Variants in ADAT1 observed in about 807,000 individuals in gnomAD.
ADAT1 encodes adenosine deaminase tRNA specific 1, also known as tRNA-specific adenosine deaminase 1.
In ADAT1, 58 loss-of-function variants were observed where a neutral mutation model predicts 58.6. The observed-to-expected ratio is 0.99, with a 90% CI of 0.80 to 1.23. The LOEUF (loss-of-function observed/expected upper bound fraction) is 1.23, where lower values mean the gene tolerates loss of function less well. ADAT1 is among the 50% of genes most tolerant of loss of function. The probability of loss-of-function intolerance (pLI) is 0.00; values close to 1 mark genes in which losing one functional copy is unlikely to be tolerated. For missense variants in ADAT1, 741 were observed against 608.6 expected (o/e 1.22, Z -2.29); for synonymous variants, 254 against 220.8 (o/e 1.15, Z -1.33).
chr16:75,607,291 G>A (rs536500776), intron 8 of ADAT1, among the ~76,000 whole-genome samples: 1 of 152,106 alleles, frequency 6.6e-6, no homozygotes, highest in South Asian at 2.1e-4. Flanking sequence ...ATCACTTGAG[G>A]TCAGGAGTTT....
At chr16:75,610,190 C>T (rs2081487089) in intron 6 of ADAT1, among the ~76,000 whole-genome samples, 1 of 152,106 alleles carries the variant, frequency 6.6e-6, no homozygotes. Context: ...ATGGATATAT[C>T]ACATTTGATT....
chr16:75,596,924 A>G lies in ADAT1; in HGVS notation c.*3292T>C, dbSNP rs1192381072. 1 of 152,322 alleles carries G rather than the reference A, an allele frequency of 6.6e-6. No individual in the cohort carries two copies. The highest frequency in any genetic ancestry group is 2.4e-5 in the African/African-American group (1 of 41,444). 9.4% of individuals were successfully genotyped at this position (152,322 alleles called of 1,614,324 possible). On this transcript the variant is annotated 3_prime_UTR_variant, in exon 10 of 10. Transcript: ENST00000564657. ...TAATAAAGTACTGATTCATGCTACA[A>G]CATAAATCTTGAAAACATGTTAAGT...
Position 75,607,433 on chromosome 16 carries a change from C to T in ADAT1, c.1289+791G>A, listed in dbSNP as rs551067479. On this transcript the variant is annotated intron_variant, in intron 8 of 9. Transcript: ENST00000564657. ...AGGAGAATCGCTTGAACCCCAGGGG[C>T]GGAGGTTGCAGTGAGCCAAGATTAC... Among the ~76,000 whole-genome samples the T allele has an allele frequency of 2.6e-4, 39 of 147,562 alleles. No individual in the cohort carries two copies. The South Asian group carries it at 3.5e-3, about 13-fold the overall frequency.
At position 75,599,036 on chromosome 16, in the gene ADAT1, TGGG is replaced by T; in HGVS notation, c.*1177_*1179del. 1.2e-5 allele frequency: 12 copies of T among 984,518 alleles called. No individual in the cohort carries two copies. The highest frequency in any genetic ancestry group is 1.4e-5 in the Non-Finnish European group (12 of 829,796). The allele number at this position is 984,518 out of a possible 1,614,324, so 61.0% of individuals were successfully genotyped here. On this transcript the variant is annotated 3_prime_UTR_variant, in exon 10 of 10. Transcript: ENST00000564657. ...TCGATGTTAAAACAGGATTGGCTGCTGGGTCTATTGCTGATTTGCTGCAGGGCC... is the reference window on the plus strand; with the variant it reads ...TCGATGTTAAAACAGGATTGGCTGCTTCTATTGCTGATTTGCTGCAGGGCC...
Position 75,598,409 on chromosome 16 carries a change from T to C in ADAT1, c.*1807A>G, listed in dbSNP as rs1264970130. ...TTCTGTTGTCTTAAGCCACCCAGCT[T>C]GTGGTACTTCGTTAAGAAACAGCTC... On this transcript the variant is annotated 3_prime_UTR_variant, in exon 10 of 10. Transcript: ENST00000564657. The C allele has an allele frequency of 6.1e-6, 1 of 164,032 alleles. No homozygotes were observed. 10.2% of individuals were successfully genotyped at this position (164,032 alleles called of 1,614,324 possible).
rs898506834 is a variant in ADAT1, at chr16:75,622,396, G to C, written c.-22+7C>G. On this transcript the variant is annotated splice_region_variant and intron_variant, in intron 1 of 9. Transcript: ENST00000564657. Reference sequence around the variant, plus strand: ...GATCCTAGAATCCTCGTTTGGAAGGGACTCACCTCTCATTTCTAGGGAGGC... The same window carrying C: ...GATCCTAGAATCCTCGTTTGGAAGGCACTCACCTCTCATTTCTAGGGAGGC... 9.9e-5 allele frequency: 15 copies of C among 152,104 alleles called. No homozygotes were observed. Among genetic ancestry groups the C allele is most frequent in the Admixed American group, 7.2e-4 (11 of 15,270 alleles). The allele number at this position is 152,104 out of a possible 1,614,324, so 9.4% of individuals were successfully genotyped here.
rs895434001 is a variant in ADAT1, at chr16:75,597,767, C to T, written c.*2449G>A. Reference sequence around the variant, plus strand: ...CTCATAAGGAGTGTGCAACCTAGATCCCTTGCATGCACAGTTCACAATAGG... The same window carrying T: ...CTCATAAGGAGTGTGCAACCTAGATTCCTTGCATGCACAGTTCACAATAGG... On this transcript the variant is annotated 3_prime_UTR_variant, in exon 10 of 10. Coordinates refer to ENST00000564657, the MANE Select transcript of ADAT1 (RefSeq NM_001324445.2). Among the ~76,000 whole-genome samples the T allele has an allele frequency of 2.0e-5, 3 of 152,148 alleles. No individual in the cohort carries two copies. Among genetic ancestry groups the T allele is most frequent in the Non-Finnish European group, 2.9e-5 (2 of 68,032 alleles).
chr16:75,619,902 AAAAAAAAAAAAAG>A (rs946245083), intron 3 of ADAT1, among the ~76,000 whole-genome samples: 1 of 151,776 alleles, frequency 6.6e-6, no homozygotes, highest in African/African-American at 2.4e-5. Context: ...TCAAAAAAAA[AAAAAAAAAAAAAG>A]ATTGCTTTCT....
intron 1 of ADAT1, 122 bp from the exon 2 acceptor site, chr16:75,620,942 A>T: frequency 1.4e-6 from 1 of 706,274 alleles, no homozygotes; most frequent in Non-Finnish European, 2.2e-6. Context: ...CCTATCTGGA[A>T]CTCTATGGAT....
rs1476830874 is a variant in ADAT1, at chr16:75,623,126, G to C, written c.-745C>G. On this transcript the variant is annotated 5_prime_UTR_variant, in exon 1 of 10. Coordinates refer to ENST00000564657, the MANE Select transcript of ADAT1 (RefSeq NM_001324445.2). Reference sequence around the variant, plus strand: ...TGGAGCGCCTTCCCACGTGAAACGCGTCCCGGAAGATACGATCCTCACAAC... The same window carrying C: ...TGGAGCGCCTTCCCACGTGAAACGCCTCCCGGAAGATACGATCCTCACAAC... 1 of 152,126 alleles carries C rather than the reference G, an allele frequency of 6.6e-6. No homozygotes were observed. The highest frequency in any genetic ancestry group is 6.5e-5 in the Admixed American group (1 of 15,288). The allele number at this position is 152,126 out of a possible 1,614,324, so 9.4% of individuals were successfully genotyped here.
In ADAT1 at chr16:75,597,257, A is replaced by G. The variant is rs2081091752; in HGVS notation, c.*2959T>C. ...AAATCCAATTACTGGGGTCCTTATA[A>G]GTAGGCCATGGAAAGACACAGACAC... On this transcript the variant is annotated 3_prime_UTR_variant, in exon 10 of 10. Coordinates refer to ENST00000564657, the MANE Select transcript of ADAT1 (RefSeq NM_001324445.2). The G allele has an allele frequency of 2.9e-5, 10 of 343,718 alleles. No homozygotes were observed. The highest frequency in any genetic ancestry group is 2.1e-4 in the Admixed American group (6 of 27,934). The allele number at this position is 343,718 out of a possible 1,614,324, so 21.3% of individuals were successfully genotyped here.
Position 75,596,869 on chromosome 16 carries a change from C to T in ADAT1, c.*3347G>A, listed in dbSNP as rs1411728359. 1 of 151,918 alleles carries T rather than the reference C, an allele frequency of 6.6e-6. No individual in the cohort carries two copies. The highest frequency in any genetic ancestry group is 1.9e-4 in the East Asian group (1 of 5,190). The allele number at this position is 151,918 out of a possible 1,614,324, so 9.4% of individuals were successfully genotyped here. On this transcript the variant is annotated 3_prime_UTR_variant, in exon 10 of 10. Transcript: ENST00000564657. ...GACTGGATAAACAAAACATTTATAT[C>T]CATACAACTGATTTTTATTCCATAA...
chr16:75,615,440 C>CACACACAA (rs1036570035), intron 5 of ADAT1, among the ~76,000 whole-genome samples: 1 of 100,448 alleles, frequency 1.0e-5, no homozygotes, highest in Non-Finnish European at 1.9e-5. Flanking sequence ...TGTCTTGGGC[C>CACACACAA]ACACACAAAA....
chr16:75,603,141 TC>T lies in ADAT1; in HGVS notation c.1319del (p.Arg440AsnfsTer7). The T allele has an allele frequency of 6.2e-7, 1 of 1,614,130 alleles. No individual in the cohort carries two copies. Among genetic ancestry groups the T allele is most frequent in the Non-Finnish European group, 8.5e-7 (1 of 1,179,978 alleles). On this transcript the variant is annotated frameshift_variant, in exon 9 of 10. Transcript: ENST00000564657. LOFTEE classifies it high-confidence loss of function. ...RSQISKVELF[R>X]SFQKLLSRIA... ...TTCTGCTTAGCAGCTTCTGGAATGATCTGAAGAGTTCCACTTTGCTGATTTG... is the reference window on the plus strand; with the variant it reads ...TTCTGCTTAGCAGCTTCTGGAATGATTGAAGAGTTCCACTTTGCTGATTTG...
rs1481088253 is a variant in ADAT1 at position 75,622,961 on chromosome 16, G to C, written c.-580C>G. 2.0e-5 allele frequency: 3 copies of C among 152,340 alleles called. No homozygotes were observed. Among genetic ancestry groups the C allele is most frequent in the African/African-American group, 7.2e-5 (3 of 41,476 alleles). The allele number at this position is 152,340 out of a possible 1,614,324, so 9.4% of individuals were successfully genotyped here. Reference sequence around the variant, plus strand: ...TGGGACCCCGAGTCGGCCAGTTACAGGATAGGAGGTGCCAGGCAAGGCACT... The same window carrying C: ...TGGGACCCCGAGTCGGCCAGTTACACGATAGGAGGTGCCAGGCAAGGCACT... On this transcript the variant is annotated 5_prime_UTR_variant, in exon 1 of 10. Transcript: ENST00000564657.
intron 5 of ADAT1, among the ~76,000 whole-genome samples, chr16:75,614,339 G>A (rs572415991): frequency 6.6e-6 from 1 of 152,240 alleles, no homozygotes; most frequent in South Asian, 2.1e-4. Context: ...GTTTCCTCTT[G>A]CTGGTTTAGA....
chr16:75,604,680 T>C (rs1168533279), intron 8 of ADAT1, among the ~76,000 whole-genome samples: 1 of 151,846 alleles, frequency 6.6e-6, no homozygotes, highest in Non-Finnish European at 1.5e-5. Context: ...TATATGTCCT[T>C]AAAATCAGGA....
intron 4 of ADAT1, among the ~76,000 whole-genome samples, chr16:75,618,112 A>C (rs931406762): frequency 2.0e-5 from 3 of 149,374 alleles, no homozygotes; most frequent in African/African-American, 7.5e-5. Flanking sequence ...AAAAAAAAAA[A>C]AAAAAAAAAA....
In ADAT1 at chr16:75,598,316, T is replaced by C. The variant is rs2081125261; in HGVS notation, c.*1900A>G. ...GTCTTGATCTCCTGACGTCGTGATC[T>C]GCCCACCTCGGCCTCCTAAAGTGTT... On this transcript the variant is annotated 3_prime_UTR_variant, in exon 10 of 10. Transcript: ENST00000564657. The C allele has an allele frequency of 1.0e-5, 3 of 287,884 alleles. No individual in the cohort carries two copies. The highest frequency in any genetic ancestry group is 2.2e-5 in the Non-Finnish European group (3 of 138,232). 17.8% of individuals were successfully genotyped at this position (287,884 alleles called of 1,614,324 possible).
Sources: gnomAD v4.1 joint callset for allele counts (sites outside exome capture counted in the v4.1 genomes callset) on GRCh38, gnomAD v4.1.1 for gene constraint, MANE v1.5 for transcripts, NCBI Gene and HGNC (gene_info 2026-07-23, HGNC 2026-07-21) for gene names.